The following ROR2 variants were observed in gnomAD, a reference collection of about 807,000 sequenced individuals.
The protein encoded by ROR2 is tyrosine-protein kinase transmembrane receptor ROR2.
ROR2 carries 33 observed loss-of-function variants against 74.9 expected under a neutral mutation model. That is an observed-to-expected ratio of 0.44 (90% CI 0.33 to 0.59). The LOEUF is 0.59. ROR2 is among the 20% of genes least tolerant of loss of function. The probability of loss-of-function intolerance (pLI) is 0.02; values close to 1 mark genes in which losing one functional copy is unlikely to be tolerated. For synonymous variants in ROR2, 586 were observed against 558.7 expected (o/e 1.05, Z -0.69); for missense variants, 1,216 against 1,313.8 (o/e 0.93, Z 1.15).
At position 91,879,585 on chromosome 9, in the gene ROR2, CAA is replaced by C. The variant is rs2119360468; in HGVS notation, c.97+70280_97+70281del. Among the ~76,000 whole-genome samples the C allele has an allele frequency of 1.3e-5, 2 of 152,296 alleles. 1 individual carries two copies. The highest frequency in any genetic ancestry group is 4.1e-4 in the South Asian group (2 of 4,820). On this transcript the variant is annotated intron_variant, in intron 1 of 8. Transcript: ENST00000375708. ...TTCTTTAAATAATTCATAAACCCTT[CAA>C]CACTTTTGATATACACTCACGCACT...
intron 1 of ROR2, among the ~76,000 whole-genome samples, chr9:91,915,622 G>GGTT (rs1480985196): frequency 2.6e-5 from 4 of 151,998 alleles, no homozygotes; most frequent in South Asian, 2.1e-4. Flanking sequence ...AACCTGAGCA[G>GGTT]GTTGCTGCTG....
intron 1 of ROR2, among the ~76,000 whole-genome samples, chr9:91,861,492 A>G (rs1261887354): frequency 6.6e-6 from 1 of 152,252 alleles, no homozygotes; most frequent in African/African-American, 2.4e-5. Flanking sequence ...AAAGTTGCCA[A>G]AACAATGCCA....
At chr9:91,830,856 A>G (rs926169058) in intron 1 of ROR2, among the ~76,000 whole-genome samples, 10 of 119,832 alleles carry the variant, frequency 8.3e-5, no homozygotes, top group African/African-American at 3.8e-4. Flanking sequence ...GTGTGTGTGT[A>G]GAGAAACTCA....
intron 1 of ROR2, among the ~76,000 whole-genome samples, chr9:91,807,619 T>C (rs772880341): frequency 6.6e-6 from 1 of 152,136 alleles, no homozygotes; most frequent in Admixed American, 6.5e-5. Flanking sequence ...CAGAACTGAA[T>C]CCTCAATGAG....
chr9:91,849,683 G>A (rs1175051262), intron 1 of ROR2, among the ~76,000 whole-genome samples: 4 of 152,150 alleles, frequency 2.6e-5, no homozygotes, highest in African/African-American at 7.2e-5. Flanking sequence ...CAAGTATTAC[G>A]TGAATACACT....
At chr9:91,823,287 G>A (rs1022177195) in intron 1 of ROR2, among the ~76,000 whole-genome samples, 1 of 152,066 alleles carries the variant, frequency 6.6e-6, no homozygotes, top group African/African-American at 2.4e-5. Context: ...CATATTTGGG[G>A]CAGGGGCATG....
chr9:91,833,499 A>C (rs1168728948), intron 1 of ROR2, among the ~76,000 whole-genome samples: 3 of 152,088 alleles, frequency 2.0e-5, no homozygotes, highest in Non-Finnish European at 4.4e-5. Flanking sequence ...AGACAAAGAC[A>C]ACTCCCAGTC....
chr9:91,810,396 C>A (rs1257818000), intron 1 of ROR2, among the ~76,000 whole-genome samples: 2 of 152,154 alleles, frequency 1.3e-5, no homozygotes, highest in African/African-American at 4.8e-5. Flanking sequence ...CCCGAAGCAC[C>A]TGCGGGATTG....
rs189697737 is a variant in ROR2 at position 91,723,555 on chromosome 9, C to G, written c.*107G>C. 4.0e-4 allele frequency: 604 copies of G among 1,498,508 alleles called. 2 individuals are homozygous for G. The East Asian group carries it at 4.7e-3, about 12-fold the overall frequency. 92.8% of individuals were successfully genotyped at this position (1,498,508 alleles called of 1,614,324 possible). A position where few individuals can be genotyped will look rare whatever the true frequency, so the allele number is the denominator to read the frequency against. On this transcript the variant is annotated 3_prime_UTR_variant, in exon 9 of 9. Coordinates refer to ENST00000375708, the MANE Select transcript of ROR2 (RefSeq NM_004560.4). ...CCAGTCTGCAAACAAGCCCACTGGC[C>G]GGCGGGCTCTTGTGATTGCTGAGTA...
At chr9:91,941,633 TC>T (rs775731744) in intron 1 of ROR2, among the ~76,000 whole-genome samples, 1 of 152,186 alleles carries the variant, frequency 6.6e-6, no homozygotes, top group Non-Finnish European at 1.5e-5. Flanking sequence ...AGCATGTTTT[TC>T]CCTCCAGCAC....
intron 1 of ROR2, among the ~76,000 whole-genome samples, chr9:91,834,321 C>T (rs1056837940): frequency 6.6e-6 from 1 of 152,178 alleles, no homozygotes. Flanking sequence ...ACCACGTCCC[C>T]GCGTGCAAAC....
In ROR2 at chr9:91,769,833, C is replaced by T. The variant is rs74886238; in HGVS notation, c.175+5908G>A. Among the ~76,000 whole-genome samples the T allele has an allele frequency of 1.8e-3, 278 of 152,300 alleles. 4 individuals carry two copies. In the East Asian group the frequency reaches 0.035, roughly 19 times the overall value. The stretch of plus-strand genomic sequence containing the variant: ...CTTGCTTCTCCCATTTAGAAAGACA[C>T]TCAGAGAGCCCGGAGGGGCAGAGAC... On this transcript the variant is annotated intron_variant, in intron 2 of 8. Transcript: ENST00000375708.
chr9:91,864,992 T>C (rs1829586038), intron 1 of ROR2, among the ~76,000 whole-genome samples: 1 of 152,210 alleles, frequency 6.6e-6, no homozygotes, highest in African/African-American at 2.4e-5. Context: ...AGTACTCCCC[T>C]TAGCCAGGAA....
chr9:91,797,074 C>T (rs1270253972), intron 1 of ROR2, among the ~76,000 whole-genome samples: 1 of 75,806 alleles, frequency 1.3e-5, no homozygotes, highest in African/African-American at 5.5e-5. Context: ...GCGGGGCTGA[C>T]ACCCTGGGAT....
At chr9:91,786,798 C>T (rs1232904348) in intron 1 of ROR2, among the ~76,000 whole-genome samples, 1 of 152,226 alleles carries the variant, frequency 6.6e-6, no homozygotes, top group African/African-American at 2.4e-5. Context: ...CAGCAAACTG[C>T]TGGCAACCTC....
chr9:91,793,860 G>A (rs987723628), intron 1 of ROR2, among the ~76,000 whole-genome samples: 3 of 152,170 alleles, frequency 2.0e-5, no homozygotes, highest in African/African-American at 7.2e-5. Flanking sequence ...ATTAAACAGA[G>A]GTAAACTGGG....
At chr9:91,881,191 A>C (rs74399825) in intron 1 of ROR2, among the ~76,000 whole-genome samples, 4,278 of 152,260 alleles carry the variant, frequency 0.028, 192 homozygotes, top group African/African-American at 0.098. Flanking sequence ...AAACGAGTGG[A>C]GTGTTTGATC....
chr9:91,724,425 A>T lies in ROR2; in HGVS notation c.2069T>A (p.Leu690Gln). The T allele has an allele frequency of 1.2e-6, 2 of 1,614,184 alleles. No homozygotes were observed. Among genetic ancestry groups the T allele is most frequent in the Non-Finnish European group, 1.7e-6 (2 of 1,180,018 alleles). ...GTTGGAGTACCCGCAGTAGGGCTGC[A>T]GGCCGTAGCTGAAGACCTCCCACAG... The part of the protein sequence containing the change: ...VVLWEVFSYG[L>Q]QPYCGYSNQD... Residue 690 changes from leucine to glutamine, a missense_variant, in exon 9 of 9, where the codon CTG (leucine) becomes CAG (glutamine). Transcript: ENST00000375708.
intron 1 of ROR2, among the ~76,000 whole-genome samples, chr9:91,885,868 C>CTT (rs542499117): frequency 0.045 from 4,909 of 107,976 alleles, 183 homozygotes; most frequent in East Asian, 0.059. Flanking sequence ...GTATGGTTTC[C>CTT]TTTTTTTTTT....
Sources: gnomAD v4.1 joint callset for allele counts (sites outside exome capture counted in the v4.1 genomes callset) on GRCh38, gnomAD v4.1.1 for gene constraint, MANE v1.5 for transcripts, NCBI Gene and HGNC (gene_info 2026-07-23, HGNC 2026-07-21) for gene names.